Variants in DCTN1 observed in about 807,000 individuals in gnomAD.
DCTN1 encodes dynactin subunit 1, also known as 150 kDa dynein-associated polypeptide.
Under a neutral mutation model 161.2 loss-of-function variants are expected in DCTN1, and 61 were observed. The observed-to-expected ratio is 0.38, with a 90% CI of 0.31 to 0.47. DCTN1 has a LOEUF of 0.47. Among genes scored for constraint, DCTN1 ranks in the 20% least tolerant of loss-of-function variants. The pLI, the probability that DCTN1 is intolerant of heterozygous loss-of-function variation, is 0.99. For missense variants in DCTN1, 1,404 were observed against 1,623.7 expected, an observed-to-expected ratio of 0.86 and a Z score of 2.33; for synonymous variants, 653 against 632.4, an observed-to-expected ratio of 1.03 and a Z score of -0.49.
At chr2:74,373,063 TACAGTTAGCC>T in intron 6 of DCTN1, 115 bp from the exon 7 acceptor site, 1 of 948,890 alleles carries the variant, frequency 1.1e-6, no homozygotes, top group Non-Finnish European at 1.7e-6. Flanking sequence ...GGAATGGGGC[TACAGTTAGCC>T]ACCCTCCCCC....
chr2:74,377,898 A>C, intron 2 of DCTN1, 102 bp downstream of exon 2: 1 of 1,543,378 alleles, frequency 6.5e-7, no homozygotes, highest in Non-Finnish European at 8.9e-7. Flanking sequence ...TCCCAACCAG[A>C]GGCTTATGCC....
At chr2:74,367,623 T>TG in intron 18 of DCTN1, 73 bp downstream of exon 18, 1 of 1,604,528 alleles carries the variant, frequency 6.2e-7, no homozygotes, top group Non-Finnish European at 8.5e-7. Context: ...CAACCTTGAA[T>TG]ATATTAGTAA....
intron 16 of DCTN1, 190 bp from the exon 17 acceptor site, chr2:74,368,321 T>A: frequency 1.3e-6 from 1 of 761,194 alleles, no homozygotes; most frequent in Non-Finnish European, 2.1e-6. Context: ...CTGGAGGTTG[T>A]GAGGAGTCAG....
At position 74,366,095 on chromosome 2, in the gene DCTN1, C is replaced by T. The variant is rs1030103694; in HGVS notation, c.2761-77G>A. On this transcript the variant is annotated intron_variant, in intron 23 of 31. Coordinates refer to ENST00000628224, the MANE Select transcript of DCTN1 (RefSeq NM_004082.5). Reference sequence around the variant, plus strand: ...ATCACTGTGCTCCTTACAGAGAGATCCAGTTACAGGGAAAACCCTGCCTTC... The same window carrying T: ...ATCACTGTGCTCCTTACAGAGAGATTCAGTTACAGGGAAAACCCTGCCTTC... 7.4e-5 allele frequency: 119 copies of T among 1,612,648 alleles called. No individual in the cohort carries two copies. In the Admixed American group the frequency reaches 1.8e-3, roughly 24 times the overall value.
At chr2:74,380,609 G>T (rs1010450010), upstream of DCTN1, 12 of 470,766 alleles carry the variant, frequency 2.5e-5, no homozygotes, top group Middle Eastern at 3.2e-4. Context: ...CAAAATAAGG[G>T]TCTCTCATCT....
intron 16 of DCTN1, 181 bp from the exon 17 acceptor site, chr2:74,368,312 T>C (rs1674575598): frequency 8.8e-6 from 7 of 799,072 alleles, no homozygotes; most frequent in Non-Finnish European, 1.2e-5. Flanking sequence ...ATGTGATTAC[T>C]GGAGGTTGTG....
chr2:74,383,297 T>C (rs1385086012), upstream of DCTN1, among the ~76,000 whole-genome samples: 1 of 152,208 alleles, frequency 6.6e-6, no homozygotes, highest in Non-Finnish European at 1.5e-5. Flanking sequence ...CCTTTTCCTC[T>C]TTATGATCCA....
intron 26 of DCTN1, 88 bp downstream of exon 26, chr2:74,364,987 G>A (rs1373338418): frequency 2.6e-6 from 4 of 1,558,936 alleles, no homozygotes; most frequent in Non-Finnish European, 3.5e-6. Context: ...CGGGGGTAAG[G>A]GGGGTGGGGC....
intron 26 of DCTN1, 25 bp downstream of exon 26, chr2:74,365,050 G>A (rs775549390): frequency 1.2e-6 from 2 of 1,613,916 alleles, no homozygotes; most frequent in Non-Finnish European, 8.5e-7. Context: ...CTCTGTGCTA[G>A]TGCTGCCTAT....
Position 74,377,483 on chromosome 2 carries a change from G to A in DCTN1, c.359-17C>T. On this transcript the variant is annotated splice_polypyrimidine_tract_variant and intron_variant, in intron 3 of 31. Coordinates refer to ENST00000628224, the MANE Select transcript of DCTN1 (RefSeq NM_004082.5). ...CAGTTCCCTCTGTAGAAAGCAAACAGAAACAAAGTGTGTACTTGTATAGAG... is the reference window on the plus strand; with the variant it reads ...CAGTTCCCTCTGTAGAAAGCAAACAAAAACAAAGTGTGTACTTGTATAGAG... 6.2e-7 allele frequency: 1 copy of A among 1,610,750 alleles called. No individual in the cohort carries two copies. The highest frequency in any genetic ancestry group is 8.5e-7 in the Non-Finnish European group (1 of 1,176,932).
rs1674635609 is a variant in DCTN1 at position 74,369,047 on chromosome 2, A to C, written c.1701+51T>G. 1 of 1,591,732 alleles carries C rather than the reference A, an allele frequency of 6.3e-7. No homozygotes were observed. Among genetic ancestry groups the C allele is most frequent in the African/African-American group, 1.3e-5 (1 of 74,370 alleles). On this transcript the variant is annotated intron_variant, in intron 15 of 31. Coordinates refer to ENST00000628224, the MANE Select transcript of DCTN1 (RefSeq NM_004082.5). The surrounding 1 kb of genome is among the most constrained non-coding windows in gnomAD (Gnocchi z 4.9). ...CCCAGGAATCTGAAGCCCAGACCCC[A>C]TACCAGTTCATCCCAGGCAGGGCTC...
chr2:74,366,474 G>T lies in DCTN1; in HGVS notation c.2613C>A (p.Phe871Leu). ...CCAGGCCCACCTGCTCGCTTGCTTT[G>T]AAAGCCAGTTCCTCCAGAGCAGCCA... The part of the protein sequence containing the change: ...LLVAALEELA[F>L]KASEQIYGTP... The change falls in exon 22 of 32, where the codon TTC (phenylalanine) becomes TTA (leucine). Residue 871 changes from phenylalanine (F) to leucine (L), a missense_variant. Physicochemically the swap from Phe to Leu is conservative, Grantham distance 22 (BLOSUM62 0). Transcript: ENST00000628224. The T allele has an allele frequency of 6.2e-7, 1 of 1,614,184 alleles. No individual in the cohort carries two copies. Among genetic ancestry groups the T allele is most frequent in the East Asian group, 2.2e-5 (1 of 44,884 alleles).
chr2:74,374,417 G>C (rs1573172589), intron 5 of DCTN1, 77 bp from the exon 6 acceptor site: 1 of 1,605,266 alleles, frequency 6.2e-7, no homozygotes, highest in Non-Finnish European at 8.5e-7. Context: ...ACAAACACAC[G>C]GAGGAAGGAC....
chr2:74,376,676 T>C, intron 5 of DCTN1, 66 bp downstream of exon 5: 4 of 1,475,684 alleles, frequency 2.7e-6, no homozygotes, highest in Admixed American at 3.8e-5. Flanking sequence ...CCCAGGGACA[T>C]GCAGGACAGC....
intron 16 of DCTN1, chr2:74,368,392 G>T: frequency 1.6e-6 from 1 of 609,318 alleles, no homozygotes. Flanking sequence ...ACTTAAAGCT[G>T]CCACTCCTGC....
At chr2:74,362,466 G>C (rs1464997805) in intron 30 of DCTN1, among the ~76,000 whole-genome samples, 184 bp downstream of exon 30, 4 of 152,158 alleles carry the variant, frequency 2.6e-5, no homozygotes, top group Non-Finnish European at 5.9e-5. Context: ...TATCCATTTT[G>C]TTATGAGAAT....
rs370482653 is a variant in DCTN1, at chr2:74,366,952, T to C, written c.2317-20A>G. On this transcript the variant is annotated intron_variant, in intron 20 of 31. Transcript: ENST00000628224. ...CCCACCCTACTCAGGAAAAAGAAAA[T>C]GGATGGAGAACCAAGTTAGCATTAA... The C allele has an allele frequency of 1.4e-5, 23 of 1,613,876 alleles. No individual in the cohort carries two copies. Among genetic ancestry groups the C allele is most frequent in the South Asian group, 6.6e-5 (6 of 91,074 alleles).
chr2:74,362,514 G>T, intron 30 of DCTN1, 136 bp downstream of exon 30: 1 of 899,230 alleles, frequency 1.1e-6, no homozygotes, highest in Non-Finnish European at 1.8e-6. Flanking sequence ...AGCTTCCAAG[G>T]CAAGAACCCT....
upstream of DCTN1, among the ~76,000 whole-genome samples, chr2:74,384,573 C>CT (rs1675648660): frequency 1.3e-5 from 2 of 152,124 alleles, no homozygotes; most frequent in South Asian, 4.1e-4. Context: ...TGCCAATAGT[C>CT]TTAGAGAAAT....
Sources: allele counts gnomAD v4.1 joint callset (sites outside exome capture counted in the v4.1 genomes callset), GRCh38; gene constraint gnomAD v4.1.1; non-coding constraint Gnocchi (gnomAD v3.1); transcripts MANE v1.5; gene names NCBI Gene and HGNC (gene_info 2026-07-23, HGNC 2026-07-21).